Variants in AGFG1 observed in about 807,000 individuals in gnomAD.
AGFG1 encodes ArfGAP with FG repeats 1.
A neutral mutation model predicts 60.6 loss-of-function variants in AGFG1; 10 were observed. That is an observed-to-expected ratio of 0.16 (90% CI 0.10 to 0.28). The LOEUF (loss-of-function observed/expected upper bound fraction) is 0.28. AGFG1 is among the 10% of genes least tolerant of loss of function. The pLI is 1.00. For synonymous variants in AGFG1, 247 were observed against 242.9 expected (o/e 1.02, Z -0.16); for missense variants, 537 against 676.5 (o/e 0.79, Z 2.29).
chr2:227,554,532 T>G lies in AGFG1; in HGVS notation c.*37T>G. 1 of 1,526,528 alleles carries G rather than the reference T, an allele frequency of 6.6e-7. No individual in the cohort carries two copies. Among genetic ancestry groups the G allele is most frequent in the Non-Finnish European group, 9.1e-7 (1 of 1,103,330 alleles). 94.6% of individuals were successfully genotyped at this position (1,526,528 alleles called of 1,614,324 possible). ...CAATTTACTGGAACGAACTTTTATG[T>G]GGTCACATTACATCTCTCCACCTCT... On this transcript the variant is annotated 3_prime_UTR_variant, in exon 13 of 13. Coordinates refer to ENST00000310078, the MANE Select transcript of AGFG1 (RefSeq NM_004504.5).
chr2:227,535,137 T>C, intron 8 of AGFG1, 112 bp downstream of exon 8: 1 of 1,208,246 alleles, frequency 8.3e-7, no homozygotes, highest in Non-Finnish European at 1.1e-6. Context: ...TTCTTGGATA[T>C]TTTTGTAAAT....
At chr2:227,528,323 G>T (rs1209702172) in intron 5 of AGFG1, among the ~76,000 whole-genome samples, 1 of 152,036 alleles carries the variant, frequency 6.6e-6, no homozygotes, top group Admixed American at 6.6e-5. Flanking sequence ...GAAATTTTGG[G>T]TTTCTTTTGC....
At chr2:227,527,568 A>G (rs1218886482) in intron 5 of AGFG1, among the ~76,000 whole-genome samples, 1 of 152,208 alleles carries the variant, frequency 6.6e-6, no homozygotes, top group Non-Finnish European at 1.5e-5. Flanking sequence ...GTGTAAAAGC[A>G]TACATAGTAT....
chr2:227,527,807 T>C (rs1692041049), intron 5 of AGFG1, among the ~76,000 whole-genome samples: 1 of 152,224 alleles, frequency 6.6e-6, no homozygotes, highest in Admixed American at 6.5e-5. Context: ...GCTTACTCTT[T>C]TATTTGTCAT....
At chr2:227,494,368 A>G (rs1559171891) in intron 2 of AGFG1, among the ~76,000 whole-genome samples, 1 of 152,184 alleles carries the variant, frequency 6.6e-6, no homozygotes, top group African/African-American at 2.4e-5. Flanking sequence ...TTCTCTCGTC[A>G]CCTTTTAATA....
chr2:227,496,725 C>T (rs1489805942), intron 2 of AGFG1, among the ~76,000 whole-genome samples: 1 of 151,982 alleles, frequency 6.6e-6, no homozygotes, highest in Non-Finnish European at 1.5e-5. Flanking sequence ...GTGAAAATTC[C>T]CAGCGTATTT....
chr2:227,500,313 C>G (rs961948334), intron 2 of AGFG1, among the ~76,000 whole-genome samples: 5 of 152,186 alleles, frequency 3.3e-5, no homozygotes, highest in African/African-American at 1.2e-4. Context: ...TAGGTTCTTT[C>G]CAAGGATGGA....
At position 227,519,875 on chromosome 2, in the gene AGFG1, C is replaced by T. The variant is rs1056239116; in HGVS notation, c.262-73C>T. 3.7e-6 allele frequency: 3 copies of T among 808,892 alleles called. No homozygotes were observed. In the African/African-American group the frequency reaches 5.5e-5, roughly 15 times the overall value. 50.1% of individuals were successfully genotyped at this position (808,892 alleles called of 1,614,324 possible). ...ATGTAGATTAGCTTCCTGAAAGAAT[C>T]ATAGTATCCCCTTAAAATTTCATTA... On this transcript the variant is annotated intron_variant, in intron 2 of 12. Coordinates refer to ENST00000310078, the MANE Select transcript of AGFG1 (RefSeq NM_004504.5).
At chr2:227,479,424 A>T (rs1442398037) in intron 1 of AGFG1, among the ~76,000 whole-genome samples, 1 of 152,240 alleles carries the variant, frequency 6.6e-6, no homozygotes, top group Non-Finnish European at 1.5e-5. Context: ...AGTGCATTAT[A>T]AATGAAAAGA....
At chr2:227,525,518 A>G (rs1056637520) in intron 5 of AGFG1, among the ~76,000 whole-genome samples, 1 of 152,180 alleles carries the variant, frequency 6.6e-6, no homozygotes, top group Non-Finnish European at 1.5e-5. Flanking sequence ...TTTGAATCAG[A>G]TTTTCAACAA....
rs1692442290 is a variant in AGFG1, at chr2:227,540,102, C to T, written c.1378+3109C>T. On this transcript the variant is annotated intron_variant, in intron 10 of 12. Transcript: ENST00000310078. ...CTGCCTGCCTCGGCCTCCCAAAGTG[C>T]TGGGATTACAGGTGTGAGCGACTGC... 2.0e-5 allele frequency among the ~76,000 whole-genome samples: 3 copies of T among 152,064 alleles called. No homozygotes were observed. In the South Asian group the frequency reaches 6.2e-4, roughly 31 times the overall value.
At position 227,554,587 on chromosome 2, in the gene AGFG1, G is replaced by A. The variant is rs992805261; in HGVS notation, c.*92G>A. 2.8e-5 allele frequency: 31 copies of A among 1,097,078 alleles called. No individual in the cohort carries two copies. Among genetic ancestry groups the A allele is most frequent in the Non-Finnish European group, 3.5e-5 (26 of 750,824 alleles). The allele number at this position is 1,097,078 out of a possible 1,614,324, so 68.0% of individuals were successfully genotyped here. The stretch of plus-strand genomic sequence containing the variant: ...CTGTTGTCTTGTTTCACTGATCTTA[G>A]CTTTAAACACAAGAGAAGTCTTTAA... On this transcript the variant is annotated 3_prime_UTR_variant, in exon 13 of 13. Coordinates refer to ENST00000310078, the MANE Select transcript of AGFG1 (RefSeq NM_004504.5).
chr2:227,555,250 A>C lies in AGFG1; in HGVS notation c.*755A>C, dbSNP rs945889080. 1 of 152,626 alleles carries C rather than the reference A, an allele frequency of 6.6e-6. No individual in the cohort carries two copies. The highest frequency in any genetic ancestry group is 1.5e-5 in the Non-Finnish European group (1 of 68,010). The allele number at this position is 152,626 out of a possible 1,614,324, so 9.5% of individuals were successfully genotyped here. On this transcript the variant is annotated 3_prime_UTR_variant, in exon 13 of 13. Coordinates refer to ENST00000310078, the MANE Select transcript of AGFG1 (RefSeq NM_004504.5). ...ACTTTTTATAAAAAGGCCATGTAGA[A>C]AATTTATTAAAACTACTATGACTGC...
At chr2:227,506,558 T>A (rs1398281883) in intron 2 of AGFG1, among the ~76,000 whole-genome samples, 2 of 106,298 alleles carry the variant, frequency 1.9e-5, no homozygotes, top group Non-Finnish European at 3.6e-5. Context: ...TGATGTTCCT[T>A]AAAAAAAAAA....
chr2:227,534,783 GGT>G, intron 7 of AGFG1, 60 bp from the exon 8 acceptor site: 2 of 1,564,336 alleles, frequency 1.3e-6, no homozygotes, highest in South Asian at 2.3e-5. Context: ...TGGCAAATGT[GGT>G]TGATAAGTTG....
At chr2:227,482,397 A>G (rs1690496292) in intron 1 of AGFG1, among the ~76,000 whole-genome samples, 1 of 152,230 alleles carries the variant, frequency 6.6e-6, no homozygotes, top group Non-Finnish European at 1.5e-5. Context: ...ATTTTGGACT[A>G]GCCAACATAT....
At chr2:227,502,679 A>G (rs536862874) in intron 2 of AGFG1, among the ~76,000 whole-genome samples, 1 of 152,276 alleles carries the variant, frequency 6.6e-6, no homozygotes, top group Admixed American at 6.5e-5. Context: ...TTTTGATGAA[A>G]TACAATTTAT....
intron 6 of AGFG1, among the ~76,000 whole-genome samples, chr2:227,533,030 C>T (rs985167081): frequency 1.3e-5 from 2 of 152,128 alleles, no homozygotes; most frequent in Admixed American, 6.6e-5. Context: ...AATAGTAGCT[C>T]TTCAAGTGAA....
At chr2:227,528,988 C>T (rs1692078302) in intron 5 of AGFG1, among the ~76,000 whole-genome samples, 2 of 152,092 alleles carry the variant, frequency 1.3e-5, no homozygotes, top group African/African-American at 4.8e-5. Flanking sequence ...AGTCAGGCTG[C>T]CTGAGAGGAG....
Sources: gnomAD v4.1 joint callset for allele counts (sites outside exome capture counted in the v4.1 genomes callset) on GRCh38, gnomAD v4.1.1 for gene constraint, MANE v1.5 for transcripts, NCBI Gene and HGNC (gene_info 2026-07-23, HGNC 2026-07-21) for gene names.